FUT8: variants seen among roughly 807,000 people sequenced by gnomAD.
FUT8 encodes fucosyltransferase 8.
In FUT8, 29 loss-of-function variants were observed where a neutral mutation model predicts 71.3. The observed-to-expected ratio is 0.41, with a 90% CI of 0.30 to 0.55. The LOEUF is 0.55. Among genes scored for constraint, FUT8 ranks in the 20% least tolerant of loss-of-function variants. The pLI is 0.34. For missense variants in FUT8, 544 were observed against 702.1 expected (o/e 0.77, Z 2.55); for synonymous variants, 254 against 239.3 (o/e 1.06, Z -0.57).
chr14:65,442,639 A>G (rs924243180), intron 1 of FUT8, among the ~76,000 whole-genome samples: 8 of 152,042 alleles, frequency 5.3e-5, no homozygotes, highest in South Asian at 2.1e-4. Flanking sequence ...GTTTAAGACC[A>G]GCCTGGGCAG....
chr14:65,391,235 G>C, the FUT8 span, among the ~76,000 whole-genome samples: 9 of 152,188 alleles, frequency 5.9e-5, no homozygotes, highest in African/African-American at 2.2e-4. Flanking sequence ...ATGAGAGCTG[G>C]ACAGTGAGGC....
intron 6 of FUT8, chr14:65,636,444 G>A (rs1890560800): frequency 6.6e-6 from 1 of 151,950 alleles, no homozygotes; most frequent in African/African-American, 2.4e-5. Context: ...CAGAATGTCA[G>A]TTTGTACTCT....
At chr14:65,515,846 A>G (rs1882675247) in intron 2 of FUT8, among the ~76,000 whole-genome samples, 1 of 152,230 alleles carries the variant, frequency 6.6e-6, no homozygotes, top group Non-Finnish European at 1.5e-5. Context: ...TTAAATGTGA[A>G]TCACTTTTAT....
intron 2 of FUT8, among the ~76,000 whole-genome samples, chr14:65,526,474 T>C (rs1316763563): frequency 2.0e-5 from 3 of 152,214 alleles, no homozygotes; most frequent in African/African-American, 7.2e-5. Context: ...GTGAGACAGG[T>C]CTCCTGAATA....
At chr14:65,673,073 G>C (rs1892547251) in intron 7 of FUT8, among the ~76,000 whole-genome samples, 1 of 152,086 alleles carries the variant, frequency 6.6e-6, no homozygotes, top group South Asian at 2.1e-4. Context: ...AATTTTATTT[G>C]TAAATGAAAA....
chr14:65,411,740 G>C (rs1012348884), upstream of FUT8: 18 of 306,986 alleles, frequency 5.9e-5, no homozygotes, highest in Non-Finnish European at 1.0e-4. Context: ...TGGGATCTGG[G>C]TCCCAAGGCT....
Position 65,742,440 on chromosome 14 carries a change from C to T in FUT8, c.*30C>T, listed in dbSNP as rs192683675. Reference sequence around the variant, plus strand: ...CAGATGGAAGAGATAAACGACCAAACTCAGTTCGACCAAACTCAGTTCAAA... The same window carrying T: ...CAGATGGAAGAGATAAACGACCAAATTCAGTTCGACCAAACTCAGTTCAAA... On this transcript the variant is annotated 3_prime_UTR_variant, in exon 11 of 11. Coordinates refer to ENST00000673929, the MANE Select transcript of FUT8 (RefSeq NM_001371533.1). 3.8e-6 allele frequency: 6 copies of T among 1,584,342 alleles called. No individual in the cohort carries two copies. Among genetic ancestry groups the T allele is most frequent in the Admixed American group, 3.5e-5 (2 of 57,326 alleles).
chr14:65,628,284 G>A (rs543577531), intron 5 of FUT8, among the ~76,000 whole-genome samples: 2 of 152,158 alleles, frequency 1.3e-5, no homozygotes, highest in Non-Finnish European at 2.9e-5. Flanking sequence ...ATATTGGGTG[G>A]GGTCTTTTAG....
intron 2 of FUT8, among the ~76,000 whole-genome samples, chr14:65,476,080 A>G (rs2066234636): frequency 6.6e-6 from 1 of 152,148 alleles, no homozygotes. Context: ...AGACTTGGTG[A>G]TAAGTCAAGG....
intron 6 of FUT8, among the ~76,000 whole-genome samples, chr14:65,633,753 C>T (rs1463818668): frequency 1.2e-4 from 18 of 151,838 alleles, no homozygotes; most frequent in Non-Finnish European, 1.9e-4. Flanking sequence ...GCAGCCGCCC[C>T]GTCTGAGAAG....
chr14:65,707,662 A>G (rs1894617401), intron 7 of FUT8, among the ~76,000 whole-genome samples: 1 of 152,122 alleles, frequency 6.6e-6, no homozygotes, highest in Non-Finnish European at 1.5e-5. Context: ...ATTTTTATAT[A>G]TAGTATAAAA....
intron 2 of FUT8, among the ~76,000 whole-genome samples, chr14:65,545,497 A>G (rs1356225684): frequency 1.3e-5 from 2 of 151,902 alleles, no homozygotes; most frequent in Non-Finnish European, 3.0e-5. Flanking sequence ...GAAATATGTC[A>G]TGCTCAATCT....
chr14:65,527,817 C>T (rs1883604333), intron 2 of FUT8, among the ~76,000 whole-genome samples: 2 of 152,228 alleles, frequency 1.3e-5, no homozygotes, highest in Admixed American at 6.5e-5. Flanking sequence ...AGGTCCACTG[C>T]AGACCTTGTT....
rs892950270 is a variant in FUT8 at position 65,598,138 on chromosome 14, C to T, written c.204-17840C>T. Among the ~76,000 whole-genome samples the T allele has an allele frequency of 3.9e-5, 6 of 152,218 alleles. No homozygotes were observed. In the East Asian group the frequency reaches 5.8e-4, roughly 15 times the overall value. On this transcript the variant is annotated intron_variant, in intron 3 of 10. Coordinates refer to ENST00000673929, the MANE Select transcript of FUT8 (RefSeq NM_001371533.1). ...ACACAGTAAGCTGTATTTGCACCAG[C>T]GTGGGCAACGGAAAGAGACCCTGTC...
intron 2 of FUT8, among the ~76,000 whole-genome samples, chr14:65,471,431 G>A (rs1002622519): frequency 1.3e-5 from 2 of 152,104 alleles, no homozygotes; most frequent in African/African-American, 4.8e-5. Flanking sequence ...CCTGCTGCAA[G>A]CAGGAGGGGT....
intron 3 of FUT8, among the ~76,000 whole-genome samples, chr14:65,591,740 A>G (rs1175652131): frequency 6.6e-6 from 1 of 151,962 alleles, no homozygotes; most frequent in African/African-American, 2.4e-5. Context: ...AAGGAGCTCC[A>G]TGTTTAATAT....
chr14:65,692,343 TGGCCGGGCGGGG>T (rs1893668510), intron 7 of FUT8, among the ~76,000 whole-genome samples: 1 of 143,914 alleles, frequency 6.9e-6, no homozygotes, highest in South Asian at 2.2e-4. Context: ...ACGGGGCGGC[TGGCCGGGCGGGG>T]GGCTGACCCC....
intron 3 of FUT8, among the ~76,000 whole-genome samples, chr14:65,586,924 C>T (rs1333020263): frequency 6.6e-6 from 1 of 152,228 alleles, no homozygotes; most frequent in Non-Finnish European, 1.5e-5. Flanking sequence ...CGCTGTGGCT[C>T]ACGCCTGTAA....
At chr14:65,684,596 T>G (rs1283997662) in intron 7 of FUT8, among the ~76,000 whole-genome samples, 1 of 152,218 alleles carries the variant, frequency 6.6e-6, no homozygotes, top group Non-Finnish European at 1.5e-5. Context: ...TAGCTTTGTG[T>G]CCCCACCCAA....
Sources: gnomAD v4.1 joint callset for allele counts (sites outside exome capture counted in the v4.1 genomes callset) on GRCh38, gnomAD v4.1.1 for gene constraint, MANE v1.5 for transcripts, NCBI Gene and HGNC (gene_info 2026-07-23, HGNC 2026-07-21) for gene names.